Variants in LINGO2 observed in about 807,000 individuals in gnomAD.
The protein encoded by LINGO2 is leucine rich repeat and Ig domain containing 2, also known as leucine-rich repeat and immunoglobulin-like domain-containing nogo receptor-interacting protein 2.
In LINGO2, 14 loss-of-function variants were observed where a neutral mutation model predicts 30.6. The observed-to-expected ratio is 0.46, with a 90% CI of 0.30 to 0.72. The LOEUF is 0.72. Ranked by LOEUF, LINGO2 falls within the 30% of genes least tolerant of loss-of-function variation. LINGO2 has a pLI of 0.07. For missense variants in LINGO2, 729 were observed against 751.7 expected (o/e 0.97, Z 0.35); for synonymous variants, 317 against 288.5 (o/e 1.10, Z -1.00).
the LINGO2 span, among the ~76,000 whole-genome samples, chr9:28,914,902 G>A: frequency 6.6e-6 from 1 of 152,188 alleles, no homozygotes; most frequent in African/African-American, 2.4e-5. Flanking sequence ...GGAGGCCGAG[G>A]CAGGCGGATC....
chr9:28,393,717 C>A (rs1359703225), intron 2 of LINGO2, among the ~76,000 whole-genome samples: 1 of 152,162 alleles, frequency 6.6e-6, no homozygotes, highest in African/African-American at 2.4e-5. Flanking sequence ...AGCCTGACTT[C>A]CAACTTCCAG....
intron 4 of LINGO2, among the ~76,000 whole-genome samples, chr9:28,201,099 T>TAAG (rs1191627669): frequency 6.6e-6 from 1 of 151,674 alleles, no homozygotes; most frequent in Non-Finnish European, 1.5e-5. Flanking sequence ...TATTATACTT[T>TAAG]AAGTTTTAGG....
At chr9:28,379,856 G>T (rs1821277938) in intron 2 of LINGO2, among the ~76,000 whole-genome samples, 1 of 152,222 alleles carries the variant, frequency 6.6e-6, no homozygotes, top group African/African-American at 2.4e-5. Context: ...AATGGCAGAA[G>T]TTGCATTCAA....
the LINGO2 span, among the ~76,000 whole-genome samples, chr9:28,765,125 A>G: frequency 6.6e-6 from 1 of 152,056 alleles, no homozygotes; most frequent in East Asian, 1.9e-4. Context: ...AGTATTTTAT[A>G]CAGAAATTAT....
intron 1 of LINGO2, among the ~76,000 whole-genome samples, chr9:28,569,142 T>C (rs1823545492): frequency 6.6e-6 from 1 of 151,986 alleles, no homozygotes; most frequent in East Asian, 1.9e-4. Flanking sequence ...ATAACAAGAG[T>C]GTTTATGTAA....
chr9:28,017,845 GA>G (rs1474118623), intron 4 of LINGO2, among the ~76,000 whole-genome samples: 1 of 151,966 alleles, frequency 6.6e-6, no homozygotes, highest in Non-Finnish European at 1.5e-5. Flanking sequence ...CTCAGAATTG[GA>G]AAAAACTATT....
the LINGO2 span, among the ~76,000 whole-genome samples, chr9:28,800,768 A>T: frequency 6.6e-6 from 1 of 152,040 alleles, no homozygotes; most frequent in Non-Finnish European, 1.5e-5. Context: ...TCTGAAAATG[A>T]TATCTTACTC....
At chr9:29,207,061 A>G in the LINGO2 span, among the ~76,000 whole-genome samples, 5 of 151,994 alleles carry the variant, frequency 3.3e-5, no homozygotes, top group South Asian at 1.0e-3. Flanking sequence ...GTAAATATAC[A>G]TATGTACATA....
chr9:27,989,913 A>G (rs995148249), intron 5 of LINGO2, among the ~76,000 whole-genome samples: 5 of 152,032 alleles, frequency 3.3e-5, no homozygotes, highest in African/African-American at 9.7e-5. Context: ...TGTTCTTAAC[A>G]ATAGTTGGAC....
At chr9:28,881,413 C>T in the LINGO2 span, among the ~76,000 whole-genome samples, 8 of 152,106 alleles carry the variant, frequency 5.3e-5, no homozygotes, top group African/African-American at 1.7e-4. Flanking sequence ...CATGAGCCAC[C>T]ATGCCGGTCA....
chr9:28,852,806 CCTAA>C, the LINGO2 span, among the ~76,000 whole-genome samples: 1 of 151,930 alleles, frequency 6.6e-6, no homozygotes, highest in Non-Finnish European at 1.5e-5. Context: ...CTATCAGTTG[CCTAA>C]CTTTTCCTAT....
rs202233296 is a variant in LINGO2 at position 28,184,958 on chromosome 9, C to G, written c.-87+110250G>C. ...GAAATTAAAACAAAACACAACAAAA[C>G]AAAACAAAAAAAAATCTTCTTCCAA... On this transcript the variant is annotated intron_variant, in intron 4 of 5. Coordinates refer to ENST00000379992, the Ensembl canonical transcript of LINGO2. Among the ~76,000 whole-genome samples, 5 of 151,614 alleles carry G rather than the reference C, an allele frequency of 3.3e-5. No individual in the cohort carries two copies. In the East Asian group the frequency reaches 9.7e-4, roughly 29 times the overall value.
the LINGO2 span, among the ~76,000 whole-genome samples, chr9:29,152,625 A>G: frequency 6.6e-6 from 1 of 152,262 alleles, no homozygotes; most frequent in South Asian, 2.1e-4. Flanking sequence ...AAAGATGGGA[A>G]CAACAGACAC....
intron 3 of LINGO2, among the ~76,000 whole-genome samples, chr9:28,356,692 T>C (rs897803705): frequency 5.0e-4 from 76 of 152,256 alleles, no homozygotes; most frequent in Admixed American, 1.6e-3. Context: ...TATTTCTAAA[T>C]GATAATCACC....
the LINGO2 span, among the ~76,000 whole-genome samples, chr9:28,748,933 G>A: frequency 6.6e-6 from 1 of 151,952 alleles, no homozygotes; most frequent in Non-Finnish European, 1.5e-5. Context: ...TGAATCAACT[G>A]TTTTGATGTG....
chr9:29,182,291 GA>G, the LINGO2 span, among the ~76,000 whole-genome samples: 1 of 151,944 alleles, frequency 6.6e-6, no homozygotes, highest in Middle Eastern at 3.2e-3. Context: ...CAATAAGTTA[GA>G]AAAAAAGCCT....
chr9:27,983,374 G>A (rs1263399432), intron 5 of LINGO2, among the ~76,000 whole-genome samples: 2 of 151,830 alleles, frequency 1.3e-5, no homozygotes, highest in Non-Finnish European at 2.9e-5. Flanking sequence ...CGGAAAAGAG[G>A]CACAGTGAGG....
chr9:28,643,750 C>A (rs1436402810), intron 1 of LINGO2, among the ~76,000 whole-genome samples: 2 of 151,768 alleles, frequency 1.3e-5, no homozygotes, highest in Non-Finnish European at 2.9e-5. Flanking sequence ...AAGAGACAAC[C>A]CACAGAATGG....
the LINGO2 span, among the ~76,000 whole-genome samples, chr9:28,916,190 C>T: frequency 2.3e-4 from 35 of 152,170 alleles, no homozygotes; most frequent in South Asian, 6.0e-3. Context: ...AATAATATAC[C>T]GACATGACAG....
Sources: gnomAD v4.1 joint callset for allele counts (sites outside exome capture counted in the v4.1 genomes callset) on GRCh38, gnomAD v4.1.1 for gene constraint, MANE v1.5 for transcripts, NCBI Gene and HGNC (gene_info 2026-07-23, HGNC 2026-07-21) for gene names.